The following VWDE variants were observed in gnomAD, a reference collection of about 807,000 sequenced individuals.
The protein encoded by VWDE is von Willebrand factor D and EGF domains.
Under a neutral mutation model 178.4 loss-of-function variants are expected in VWDE, and 207 were observed. The observed-to-expected ratio is 1.16, with a 90% CI of 1.04 to 1.30. The LOEUF (loss-of-function observed/expected upper bound fraction) is 1.30. Ranked by LOEUF, VWDE falls within the 50% of genes most tolerant of loss-of-function variation. VWDE has a pLI of 0.00. For synonymous variants in VWDE, 738 were observed against 651.4 expected, an observed-to-expected ratio of 1.13 and a Z score of -2.02; for missense variants, 2,287 against 1,901.3, an observed-to-expected ratio of 1.20 and a Z score of -3.77.
At chr7:12,336,080 T>C in intron 27 of VWDE, 61 bp downstream of exon 27, 1 of 1,402,596 alleles carries the variant, frequency 7.1e-7, no homozygotes, top group East Asian at 2.5e-5. Context: ...AGCTATACTT[T>C]AATTATTATA....
Position 12,383,546 on chromosome 7 carries a change from A to G in VWDE, c.531T>C (p.Gly177=), listed in dbSNP as rs1562510322. The G allele has an allele frequency of 6.5e-7, 1 of 1,550,198 alleles. No homozygotes were observed. Among genetic ancestry groups the G allele is most frequent in the Non-Finnish European group, 8.7e-7 (1 of 1,145,824 alleles). ...PCGSDETETG[G]DCVRQLAASL... ...AAATATGATACTTACGAACACAATC[A>G]CCTCCTGTTTCAGTTTCATCAGAAC... Residue 177 remains glycine (G), a synonymous_variant, in exon 4 of 29, where the codon GGT becomes GGC. Transcript: ENST00000275358.
At chr7:12,357,538 C>G (rs755035522) in intron 16 of VWDE, 23 bp from the exon 17 acceptor site, 45 of 1,549,438 alleles carry the variant, frequency 2.9e-5, no homozygotes, top group Non-Finnish European at 3.8e-5. Flanking sequence ...AAACACTTAA[C>G]TTTATACCCG....
chr7:12,403,629 G>A (rs951298976), intron 1 of VWDE, 30 bp downstream of exon 1: 2 of 1,529,744 alleles, frequency 1.3e-6, no homozygotes, highest in African/African-American at 1.4e-5. Context: ...GCCACTGCGC[G>A]CCCACCCCCG....
chr7:12,384,187 A>C (rs1294708855), intron 3 of VWDE, among the ~76,000 whole-genome samples: 2 of 152,174 alleles, frequency 1.3e-5, no homozygotes, highest in Admixed American at 6.6e-5. Flanking sequence ...GAATTGAGCT[A>C]TCAAGCCACA....
At chr7:12,347,861 G>C (rs953894580) in intron 19 of VWDE, among the ~76,000 whole-genome samples, 2 of 151,986 alleles carry the variant, frequency 1.3e-5, no homozygotes, top group Non-Finnish European at 2.9e-5. Flanking sequence ...GCATGGCACT[G>C]GTACCAAAAC....
rs75480945 is a variant in VWDE at position 12,342,110 on chromosome 7, G to A, written c.4219C>T (p.Pro1407Ser). The A allele has an allele frequency of 1.3e-6, 2 of 1,551,394 alleles. No homozygotes were observed. The highest frequency in any genetic ancestry group is 4.9e-5 in the East Asian group (2 of 40,908). Residue 1407 changes from proline to serine, a missense_variant, in exon 23 of 29, where the codon CCA (proline) becomes TCA (serine). Physicochemically the swap from Pro to Ser is moderately conservative, Grantham distance 74. Coordinates refer to ENST00000275358, the MANE Select transcript of VWDE (RefSeq NM_001135924.3). The stretch of plus-strand genomic sequence containing the variant: ...CCAGGTTTGCACTGGCAAATATCTG[G>A]TGTAAGACACTGGCCTCCATTTTCA... ...HCENGGQCLT[P>S]DICQCKPGWY...
At position 12,369,771 on chromosome 7, in the gene VWDE, T is replaced by G; in HGVS notation, c.2535A>C (p.Lys845Asn). 1 of 1,551,608 alleles carries G rather than the reference T, an allele frequency of 6.4e-7. No homozygotes were observed. ...IEMCVKDVLL[K>N]DDLSWAEAGV... ...CTGCTTCTGCCCAACTAAGATCATC[T>G]TTTAACAGAACATCCTTCACACACA... is the stretch of plus-strand genomic sequence containing the variant. Residue 845 changes from lysine to asparagine, a missense_variant, in exon 12 of 29, where the codon AAA (lysine) becomes AAC (asparagine). Transcript: ENST00000275358.
chr7:12,344,153 A>G lies in VWDE; in HGVS notation c.4078+42T>C, dbSNP rs543563388. 3.9e-5 allele frequency: 58 copies of G among 1,481,756 alleles called. No individual in the cohort carries two copies. In the African/African-American group the frequency reaches 7.6e-4, roughly 19 times the overall value. The allele number at this position is 1,481,756 out of a possible 1,614,324, so 91.8% of individuals were successfully genotyped here. A position where few individuals can be genotyped will look rare whatever the true frequency, so the allele number is the denominator to read the frequency against. ...AATGGTTTTTAAAGAAAATTATGCT[A>G]TATTTTAGGCCTTATATTTGATTTT... is the stretch of plus-strand genomic sequence containing the variant. On this transcript the variant is annotated intron_variant, in intron 21 of 28. Coordinates refer to ENST00000275358, the MANE Select transcript of VWDE (RefSeq NM_001135924.3).
chr7:12,333,866 T>G (rs1162768864), intron 27 of VWDE: 1 of 222,140 alleles, frequency 4.5e-6, no homozygotes, highest in Non-Finnish European at 8.7e-6. Flanking sequence ...ATATCTCTTT[T>G]TTTTTCTAGA....
At chr7:12,348,096 C>T (rs1389920681) in intron 19 of VWDE, among the ~76,000 whole-genome samples, 8 of 152,000 alleles carry the variant, frequency 5.3e-5, no homozygotes, top group South Asian at 2.1e-4. Flanking sequence ...AAGACTTAAA[C>T]GTTAGACCTA....
At chr7:12,396,793 G>C (rs952879812) in intron 1 of VWDE, among the ~76,000 whole-genome samples, 5 of 151,956 alleles carry the variant, frequency 3.3e-5, no homozygotes, top group African/African-American at 1.2e-4. Context: ...AAATCAGCCA[G>C]GTGTTGTGGT....
chr7:12,355,084 A>G (rs73680951), intron 18 of VWDE, among the ~76,000 whole-genome samples: 2,535 of 149,710 alleles, frequency 0.017, 60 homozygotes, highest in African/African-American at 0.06. Context: ...GTCTACAGTG[A>G]AGTAGAAAAG....
At chr7:12,373,772 T>C (rs1783349418) in intron 9 of VWDE, among the ~76,000 whole-genome samples, 1 of 152,134 alleles carries the variant, frequency 6.6e-6, no homozygotes, top group African/African-American at 2.4e-5. Context: ...AACTTGGCTT[T>C]TCACCTAGTT....
chr7:12,388,778 A>C (rs551514556), intron 3 of VWDE: 13 of 370,352 alleles, frequency 3.5e-5, no homozygotes, highest in Admixed American at 2.7e-4. Context: ...ATAATATAAA[A>C]TGTATATTTT....
In VWDE at chr7:12,375,024, G is replaced by A. The variant is rs1783440563; in HGVS notation, c.1228C>T (p.Pro410Ser). The change falls in exon 8 of 29, where the codon CCA (proline) becomes TCA (serine). Residue 410 changes from proline to serine, a missense_variant. Physicochemically the swap from Pro to Ser is moderately conservative, Grantham distance 74 (BLOSUM62 -1). Transcript: ENST00000275358. ...AATTTGTCAACCTGGATGCTGTCTG[G>A]AATGTAGTTGTTCCACAGGAAATCC... ...NEDFLWNNYI[P>S]DSIQIKVKDV... 5 of 1,551,048 alleles carry A rather than the reference G, an allele frequency of 3.2e-6. No homozygotes were observed. The East Asian group carries it at 1.2e-4, about 38-fold the overall frequency.
At position 12,356,563 on chromosome 7, in the gene VWDE, T is replaced by C. The variant is rs74479632; in HGVS notation, c.3526-233A>G. On this transcript the variant is annotated intron_variant, in intron 17 of 28. Coordinates refer to ENST00000275358, the MANE Select transcript of VWDE (RefSeq NM_001135924.3). ...ACCACAATATAATACTAAGGATAACTTTTCTAAAAAAAAAGTTACAAGATG... is the reference window on the plus strand; with the variant it reads ...ACCACAATATAATACTAAGGATAACCTTTCTAAAAAAAAAGTTACAAGATG... 9.1e-3 allele frequency among the ~76,000 whole-genome samples: 1,378 copies of C among 151,834 alleles called. 31 individuals carry two copies. Among genetic ancestry groups the C allele is most frequent in the African/African-American group, 0.032 (1,329 of 41,238 alleles).
chr7:12,364,515 G>C (rs1782754518), intron 13 of VWDE, among the ~76,000 whole-genome samples: 1 of 152,076 alleles, frequency 6.6e-6, no homozygotes, highest in African/African-American at 2.4e-5. Flanking sequence ...GTCAAAGCTA[G>C]AATAATTTAA....
chr7:12,357,245 T>A lies in VWDE; in HGVS notation c.3525+20A>T, dbSNP rs148844455. 109 of 1,547,372 alleles carry A rather than the reference T, an allele frequency of 7.0e-5. No individual in the cohort carries two copies. The African/African-American group carries it at 1.4e-3, about 19-fold the overall frequency. On this transcript the variant is annotated intron_variant, in intron 17 of 28. Transcript: ENST00000275358. ...AATTGCAAAAGAATCCAGTGGCACT[T>A]ATGTAATTATAAAGATTACCTCAAT...
chr7:12,356,718 C>T (rs968450183), intron 17 of VWDE, among the ~76,000 whole-genome samples: 6 of 152,128 alleles, frequency 3.9e-5, no homozygotes, highest in South Asian at 2.1e-4. Context: ...TGGCATAGAA[C>T]GCAGCTGCTC....
Sources: allele counts gnomAD v4.1 joint callset (sites outside exome capture counted in the v4.1 genomes callset), GRCh38; gene constraint gnomAD v4.1.1; transcripts MANE v1.5; gene names NCBI Gene and HGNC (gene_info 2026-07-23, HGNC 2026-07-21).